The following SEMA3A variants were observed in gnomAD, a reference collection of about 807,000 sequenced individuals.
The protein encoded by SEMA3A is semaphorin 3A, also known as semaphorin-3A.
In SEMA3A, 29 loss-of-function variants were observed where a neutral mutation model predicts 97.9. That is an observed-to-expected ratio of 0.30 (90% CI 0.22 to 0.40). The LOEUF (loss-of-function observed/expected upper bound fraction) is 0.40, where lower values mean the gene tolerates loss of function less well. Among genes scored for constraint, SEMA3A ranks in the 10% least tolerant of loss-of-function variants. The pLI, the probability that SEMA3A is intolerant of heterozygous loss-of-function variation, is 1.00. For missense variants in SEMA3A, 763 were observed against 951.3 expected, an observed-to-expected ratio of 0.80 and a Z score of 2.60; for synonymous variants, 321 against 323.7, an observed-to-expected ratio of 0.99 and a Z score of 0.09.
intron 1 of SEMA3A, among the ~76,000 whole-genome samples, chr7:84,438,463 A>G (rs983276842): frequency 1.3e-5 from 2 of 152,122 alleles, no homozygotes; most frequent in Admixed American, 6.5e-5. Flanking sequence ...TACAGTAAGT[A>G]TGGTAGTTAC....
At chr7:84,059,075 C>T (rs1793111711) in intron 5 of SEMA3A, among the ~76,000 whole-genome samples, 2 of 152,076 alleles carry the variant, frequency 1.3e-5, no homozygotes, top group South Asian at 4.1e-4. Flanking sequence ...TTTCAGTGTG[C>T]AATTTAAATA....
chr7:84,397,716 AG>A (rs1219229824), intron 1 of SEMA3A, among the ~76,000 whole-genome samples: 9 of 152,124 alleles, frequency 5.9e-5, no homozygotes, highest in Middle Eastern at 3.4e-3. Flanking sequence ...ACAGATACAT[AG>A]GGACAGGTAA....
intron 1 of SEMA3A, among the ~76,000 whole-genome samples, chr7:84,461,377 A>G (rs1805835528): frequency 6.6e-6 from 1 of 152,132 alleles, no homozygotes. Context: ...TTTCAAAATT[A>G]TAATGTTGCC....
At chr7:84,001,777 T>TAACTA (rs1273263685) in intron 12 of SEMA3A, among the ~76,000 whole-genome samples, 178 bp downstream of exon 12, 7 of 152,210 alleles carry the variant, frequency 4.6e-5, no homozygotes, top group African/African-American at 1.4e-4. Flanking sequence ...TCTTTAGATT[T>TAACTA]AACTAGCATT....
At position 84,236,636 on chromosome 7, in the gene SEMA3A, A is replaced by G. The variant is rs140213822; in HGVS notation, c.-82-41968T>C. On this transcript the variant is annotated intron_variant, in intron 3 of 3. Transcript: ENST00000424555. Reference sequence around the variant, plus strand: ...GACTAATCCCATTCTCCTAAGAGCAAGACTTTTCCATCTATGATATTAATT... The same window carrying G: ...GACTAATCCCATTCTCCTAAGAGCAGGACTTTTCCATCTATGATATTAATT... 3.8e-3 allele frequency among the ~76,000 whole-genome samples: 582 copies of G among 152,262 alleles called. 3 individuals carry two copies. The highest frequency in any genetic ancestry group is 0.013 in the African/African-American group (541 of 41,578).
At chr7:84,091,143 G>GAAAGAAAGA (rs1794563157) in intron 4 of SEMA3A, among the ~76,000 whole-genome samples, 2 of 20,118 alleles carry the variant, frequency 9.9e-5, no homozygotes, top group African/African-American at 1.8e-4. Flanking sequence ...AAAGAAGGAA[G>GAAAGAAAGA]GAAGGAAGGA....
At chr7:84,046,520 T>G (rs1792359320) in intron 5 of SEMA3A, 77 bp from the exon 6 acceptor site, 8 of 1,542,430 alleles carry the variant, frequency 5.2e-6, no homozygotes, top group Middle Eastern at 3.4e-4. Context: ...ACAAACAAAA[T>G]GCAAGTTTCA....
At chr7:83,988,542 A>AC (rs754777564) in intron 12 of SEMA3A, among the ~76,000 whole-genome samples, 1 of 151,928 alleles carries the variant, frequency 6.6e-6, no homozygotes, top group Non-Finnish European at 1.5e-5. Flanking sequence ...TCTACTTCAA[A>AC]CCCTGATGGC....
Position 83,958,569 on chromosome 7 carries a change from G to GA in SEMA3A, c.*2801dup, listed in dbSNP as rs1035368767. The GA allele has an allele frequency of 1.2e-4, 19 of 152,350 alleles. No homozygotes were observed. The highest frequency in any genetic ancestry group is 4.1e-4 in the African/African-American group (17 of 41,488). The allele number at this position is 152,350 out of a possible 1,614,324, so 9.4% of individuals were successfully genotyped here. A position where few individuals can be genotyped will look rare whatever the true frequency, so the allele number is the denominator to read the frequency against. On this transcript the variant is annotated 3_prime_UTR_variant, in exon 17 of 17. Transcript: ENST00000265362. ...ATAAACCACCTTGTCACCTGCGTGG[G>GA]AAAATCTTGCCTTTTAGGATGATGT... is the stretch of plus-strand genomic sequence containing the variant.
rs565633643 is a variant in SEMA3A at position 84,023,350 on chromosome 7, C to T, written c.668-8999G>A. On this transcript the variant is annotated intron_variant, in intron 6 of 16. Transcript: ENST00000265362. ...CCTATCCCTTCCACCAACAAGCCCC[C>T]CAAAGGACAAGAACAAAAATATTTT... Among the ~76,000 whole-genome samples the T allele has an allele frequency of 8.9e-4, 136 of 152,060 alleles. 1 individual carries two copies. Among genetic ancestry groups the T allele is most frequent in the Non-Finnish European group, 1.5e-3 (101 of 67,990 alleles).
chr7:84,065,453 A>T (rs1793440225), intron 4 of SEMA3A, among the ~76,000 whole-genome samples: 1 of 151,276 alleles, frequency 6.6e-6, no homozygotes, highest in African/African-American at 2.4e-5. Context: ...GACACAAAAA[A>T]CCCTTCCAAA....
At chr7:83,982,058 A>G (rs972888786) in intron 13 of SEMA3A, among the ~76,000 whole-genome samples, 10 of 151,982 alleles carry the variant, frequency 6.6e-5, no homozygotes, top group Admixed American at 3.3e-4. Context: ...CTAAATTACT[A>G]CCCTTCAAAA....
rs371268985 is a variant in SEMA3A at position 84,433,745 on chromosome 7, T to C, written c.-246+58715A>G. Among the ~76,000 whole-genome samples the C allele has an allele frequency of 7.0e-4, 107 of 152,268 alleles. 2 individuals carry two copies. In the South Asian group the frequency reaches 0.021, roughly 30 times the overall value. On this transcript the variant is annotated intron_variant, in intron 1 of 3. Coordinates refer to the SEMA3A transcript ENST00000424555. ...CACATCCTCTACAGCATCTGTTGTT[T>C]TCTGACTTTTTAATGATCACCATTC...
At chr7:84,410,942 T>C (rs1475217245) in intron 1 of SEMA3A, among the ~76,000 whole-genome samples, 1 of 152,070 alleles carries the variant, frequency 6.6e-6, no homozygotes, top group African/African-American at 2.4e-5. Context: ...ACTTCAGGTT[T>C]TTCTTGTTGT....
chr7:84,113,729 G>C (rs901324404), intron 3 of SEMA3A, among the ~76,000 whole-genome samples: 1 of 152,112 alleles, frequency 6.6e-6, no homozygotes, highest in East Asian at 1.9e-4. Context: ...CTTCCCAAGA[G>C]TCAGGCAACC....
At chr7:84,303,497 T>G (rs1032912937) in intron 3 of SEMA3A, among the ~76,000 whole-genome samples, 13 of 151,558 alleles carry the variant, frequency 8.6e-5, no homozygotes, top group African/African-American at 3.2e-4. Context: ...CAAAATTAAG[T>G]AACAATTAGT....
At chr7:84,212,982 A>C (rs980274807) in intron 3 of SEMA3A, among the ~76,000 whole-genome samples, 1 of 151,862 alleles carries the variant, frequency 6.6e-6, no homozygotes, top group Non-Finnish European at 1.5e-5. Context: ...TTCTTTTTTG[A>C]GACGGAGTTT....
intron 1 of SEMA3A, among the ~76,000 whole-genome samples, chr7:84,434,695 G>A (rs186864714): frequency 1.1e-3 from 173 of 152,204 alleles, no homozygotes; most frequent in African/African-American, 3.9e-3. Flanking sequence ...GGGATGTAAG[G>A]TTGATTCAAA....
At chr7:84,289,657 C>T (rs375713591) in intron 3 of SEMA3A, among the ~76,000 whole-genome samples, 74 of 152,174 alleles carry the variant, frequency 4.9e-4, no homozygotes, top group African/African-American at 1.8e-3. Flanking sequence ...TTGGAACCCA[C>T]GCATGTTGCT....
Sources: allele counts gnomAD v4.1 joint callset (sites outside exome capture counted in the v4.1 genomes callset), GRCh38; gene constraint gnomAD v4.1.1; transcripts MANE v1.5; gene names NCBI Gene and HGNC (gene_info 2026-07-23, HGNC 2026-07-21).